The following POU2F1 variants were observed in gnomAD, a reference collection of about 807,000 sequenced individuals.
The protein encoded by POU2F1 is POU class 2 homeobox 1.
A neutral mutation model predicts 84.9 loss-of-function variants in POU2F1; 16 were observed. The observed-to-expected ratio is 0.19, with a 90% CI of 0.13 to 0.29. POU2F1 has a LOEUF of 0.29. POU2F1 is among the 10% of genes least tolerant of loss of function. The probability of loss-of-function intolerance (pLI) is 1.00; values close to 1 mark genes in which losing one functional copy is unlikely to be tolerated. For synonymous variants in POU2F1, 368 were observed against 368.3 expected, an observed-to-expected ratio of 1.00 and a Z score of 0.01; for missense variants, 738 against 942.6, an observed-to-expected ratio of 0.78 and a Z score of 2.84.
chr1:167,418,662 T>C lies in POU2F1; in HGVS notation c.*2852T>C, dbSNP rs1650454412. ...CAAGGAAAGGCTGTTTGGGTGGTTTTTTTTTCCCCACATATGGTTTAGAAA... is the reference window on the plus strand; with the variant it reads ...CAAGGAAAGGCTGTTTGGGTGGTTTCTTTTTCCCCACATATGGTTTAGAAA... On this transcript the variant is annotated 3_prime_UTR_variant, in exon 16 of 16. Transcript: ENST00000367866. 6.6e-6 allele frequency: 1 copy of C among 152,174 alleles called. No homozygotes were observed. Among genetic ancestry groups the C allele is most frequent in the African/African-American group, 2.4e-5 (1 of 41,440 alleles). 9.4% of individuals were successfully genotyped at this position (152,174 alleles called of 1,614,324 possible).
chr1:167,293,168 A>G (rs1654043666), intron 1 of POU2F1, among the ~76,000 whole-genome samples: 1 of 152,212 alleles, frequency 6.6e-6, no homozygotes, highest in African/African-American at 2.4e-5. Context: ...GCAGTCACGC[A>G]AGAGAAAAGA....
chr1:167,350,141 A>G (rs964353529), intron 2 of POU2F1, among the ~76,000 whole-genome samples: 12 of 152,232 alleles, frequency 7.9e-5, no homozygotes, highest in African/African-American at 2.2e-4. Flanking sequence ...CAATAAGCCA[A>G]TGATACTAAG....
At chr1:167,368,255 A>T (rs1557932168) in intron 3 of POU2F1, among the ~76,000 whole-genome samples, 2 of 151,728 alleles carry the variant, frequency 1.3e-5, no homozygotes, top group East Asian at 3.9e-4. Context: ...TGCCCATTTA[A>T]CTTGAATATG....
chr1:167,231,167 A>C (rs1052410549), intron 1 of POU2F1, among the ~76,000 whole-genome samples: 2 of 152,184 alleles, frequency 1.3e-5, no homozygotes, highest in African/African-American at 4.8e-5. Context: ...TAAATCACTA[A>C]ATTTTTCCAA....
At chr1:167,357,379 ACCCCC>A (rs367718262) in intron 2 of POU2F1, 8 of 30,276 alleles carry the variant, frequency 2.6e-4, no homozygotes, top group African/African-American at 9.3e-4. Context: ...CCCCCCCCCC[ACCCCC>A]CCCCGCTTCT....
intron 8 of POU2F1, 92 bp downstream of exon 8, chr1:167,384,043 A>G: frequency 2.7e-6 from 3 of 1,106,356 alleles, no homozygotes; most frequent in Non-Finnish European, 3.8e-6. Flanking sequence ...AATCTAATAA[A>G]AATAATTCGG....
rs147770215 is a variant in POU2F1, at chr1:167,381,603, C to CT, written c.719-2229dup. Among the ~76,000 whole-genome samples, 467 of 65,966 alleles carry CT rather than the reference C, an allele frequency of 7.1e-3. 4 individuals carry two copies. Among genetic ancestry groups the CT allele is most frequent in the African/African-American group, 9.7e-3 (155 of 15,942 alleles). 43.3% of individuals were successfully genotyped at this position (65,966 alleles called of 152,430 possible). On this transcript the variant is annotated intron_variant, in intron 7 of 15. Transcript: ENST00000367866. ...ATTTCTGACCTTTGTGCTCTCTTCT[C>CT]TTTTTTTTTTTTTTTTTTTTTTTTT...
chr1:167,255,020 G>A (rs541131429), intron 1 of POU2F1, among the ~76,000 whole-genome samples: 65 of 152,290 alleles, frequency 4.3e-4, no homozygotes, highest in Admixed American at 7.2e-4. Flanking sequence ...CACAGTGTAC[G>A]TGCCTGGCCC....
intron 2 of POU2F1, among the ~76,000 whole-genome samples, chr1:167,344,355 G>A (rs1163583640): frequency 6.6e-6 from 1 of 152,138 alleles, no homozygotes; most frequent in Non-Finnish European, 1.5e-5. Context: ...CCTTGAATTT[G>A]ACAATTAGTT....
intron 2 of POU2F1, among the ~76,000 whole-genome samples, chr1:167,357,821 T>C (rs1659064738): frequency 6.7e-6 from 1 of 148,522 alleles, no homozygotes; most frequent in African/African-American, 2.5e-5. Flanking sequence ...TTTTTTTTTT[T>C]TGAGACAGAG....
chr1:167,292,895 A>G (rs557868381), intron 1 of POU2F1, among the ~76,000 whole-genome samples: 1 of 152,290 alleles, frequency 6.6e-6, no homozygotes, highest in East Asian at 1.9e-4. Context: ...ACAGAATTAC[A>G]AACAAAAACC....
intron 1 of POU2F1, among the ~76,000 whole-genome samples, chr1:167,325,176 G>A (rs542722614): frequency 1.2e-4 from 18 of 152,236 alleles, no homozygotes; most frequent in African/African-American, 4.3e-4. Flanking sequence ...AGTGTTTTCT[G>A]TAAGTAAGTT....
At position 167,424,109 on chromosome 1, in the gene POU2F1, C is replaced by T. The variant is rs997419251; in HGVS notation, c.*8299C>T. ...TGTAGTTGTAGGCAGTCGGGGATGC[C>T]ATGTCCTTGGTTCCATTCCTGCGTG... On this transcript the variant is annotated 3_prime_UTR_variant, in exon 16 of 16. Transcript: ENST00000367866. 6.6e-6 allele frequency: 1 copy of T among 152,202 alleles called. No homozygotes were observed. Among genetic ancestry groups the T allele is most frequent in the Non-Finnish European group, 1.5e-5 (1 of 68,038 alleles). 9.4% of individuals were successfully genotyped at this position (152,202 alleles called of 1,614,324 possible).
intron 2 of POU2F1, among the ~76,000 whole-genome samples, chr1:167,340,970 A>G (rs1482758864): frequency 6.6e-6 from 1 of 152,172 alleles, no homozygotes; most frequent in Non-Finnish European, 1.5e-5. Context: ...GTGGAATTGA[A>G]ACTGTATCTT....
intron 1 of POU2F1, among the ~76,000 whole-genome samples, chr1:167,307,436 G>A (rs2102588758): frequency 6.7e-6 from 1 of 148,978 alleles, no homozygotes; most frequent in Admixed American, 6.7e-5. Context: ...GGATTTCTGA[G>A]TGTTGGAGAG....
At chr1:167,297,869 C>T (rs902472525) in intron 1 of POU2F1, among the ~76,000 whole-genome samples, 1 of 152,080 alleles carries the variant, frequency 6.6e-6, no homozygotes, top group Non-Finnish European at 1.5e-5. Context: ...AACTTTTAAC[C>T]AGTAGAGCAA....
intron 1 of POU2F1, among the ~76,000 whole-genome samples, chr1:167,329,591 T>C (rs369052781): frequency 1.4e-3 from 210 of 152,284 alleles, no homozygotes; most frequent in Middle Eastern, 6.8e-3. Context: ...GAAATTCCTA[T>C]TGAGAACATT....
At chr1:167,412,974 A>G in intron 14 of POU2F1, 52 bp from the exon 15 acceptor site, 1 of 1,455,082 alleles carries the variant, frequency 6.9e-7, no homozygotes. Flanking sequence ...TGTTGTCAAA[A>G]TGAGACCTGC....
intron 1 of POU2F1, 121 bp downstream of exon 1, chr1:167,221,079 TG>T (rs905125263): frequency 2.0e-5 from 17 of 847,536 alleles, no homozygotes; most frequent in East Asian, 1.3e-4. Context: ...GGCGGGGAGA[TG>T]GGGGGCCGGG....
Sources: gnomAD v4.1 joint callset for allele counts (sites outside exome capture counted in the v4.1 genomes callset) on GRCh38, gnomAD v4.1.1 for gene constraint, MANE v1.5 for transcripts, NCBI Gene and HGNC (gene_info 2026-07-23, HGNC 2026-07-21) for gene names.